STK32A: variants seen among roughly 807,000 people sequenced by gnomAD.
STK32A encodes serine/threonine kinase 32A, also known as serine/threonine-protein kinase 32A.
Under a neutral mutation model 53.2 loss-of-function variants are expected in STK32A, and 41 were observed. That is an observed-to-expected ratio of 0.77 (90% CI 0.60 to 1.00). The LOEUF is 1.00. Ranked by LOEUF, STK32A falls within the 50% of genes least tolerant of loss-of-function variation. The pLI, the probability that STK32A is intolerant of heterozygous loss-of-function variation, is 0.00. For missense variants in STK32A, 458 were observed against 485.8 expected (o/e 0.94, Z 0.54); for synonymous variants, 166 against 162.8 (o/e 1.02, Z -0.15).
intron 4 of STK32A, among the ~76,000 whole-genome samples, chr5:147,286,372 A>C (rs373068307): frequency 6.6e-6 from 1 of 152,118 alleles, no homozygotes; most frequent in African/African-American, 2.4e-5. Context: ...ATCACCACTA[A>C]AGAACTTACC....
downstream of STK32A, among the ~76,000 whole-genome samples, chr5:147,388,764 A>T (rs1006569735): frequency 6.6e-6 from 1 of 152,172 alleles, no homozygotes; most frequent in South Asian, 2.1e-4. Context: ...CAGCCACTGA[A>T]CAGCTCCACC....
chr5:147,366,905 G>A (rs1756774898), intron 8 of STK32A, among the ~76,000 whole-genome samples: 1 of 150,314 alleles, frequency 6.7e-6, no homozygotes, highest in Non-Finnish European at 1.5e-5. Flanking sequence ...AAGATAAAAT[G>A]TACAGCTTTC....
the STK32A span, chr5:147,397,817 A>G: frequency 6.2e-7 from 1 of 1,613,242 alleles, no homozygotes; most frequent in Non-Finnish European, 8.5e-7. Flanking sequence ...GCGCAGCTCC[A>G]TCCCTTCAAA....
intron 5 of STK32A, among the ~76,000 whole-genome samples, chr5:147,339,634 G>A (rs925584327): frequency 6.6e-6 from 1 of 152,374 alleles, no homozygotes. Context: ...CAGGAAGGGG[G>A]CTGCACCCTG....
the STK32A span, chr5:147,401,436 A>T: frequency 7.6e-7 from 1 of 1,321,316 alleles, no homozygotes; most frequent in Non-Finnish European, 1.0e-6. Context: ...CACACTGCAG[A>T]CTCTGGTCAA....
chr5:147,326,628 T>C (rs1581097814), intron 5 of STK32A, among the ~76,000 whole-genome samples: 1 of 152,336 alleles, frequency 6.6e-6, no homozygotes, highest in East Asian at 1.9e-4. Flanking sequence ...GCCACATGAA[T>C]GAATGATTGA....
chr5:147,356,127 G>A (rs543352637), intron 7 of STK32A, among the ~76,000 whole-genome samples: 2 of 152,172 alleles, frequency 1.3e-5, no homozygotes, highest in Non-Finnish European at 2.9e-5. Flanking sequence ...CAGGCCCAGA[G>A]AGAGAGAAAG....
rs371656649 is a variant in STK32A at position 147,343,295 on chromosome 5, T to C, written c.472+252T>C. 1.9e-4 allele frequency: 128 copies of C among 665,600 alleles called. No individual in the cohort carries two copies. In the African/African-American group the frequency reaches 2.1e-3, roughly 11 times the overall value. 41.2% of individuals were successfully genotyped at this position (665,600 alleles called of 1,614,324 possible). A position where few individuals can be genotyped will look rare whatever the true frequency, so the allele number is the denominator to read the frequency against. ...AGTCTACTCAATTTTCTTCCACTAC[T>C]ATATTTCTTCAAGAAAACCATCACA... is the stretch of plus-strand genomic sequence containing the variant. On this transcript the variant is annotated intron_variant, in intron 6 of 12. Coordinates refer to ENST00000397936, the MANE Select transcript of STK32A (RefSeq NM_001112724.2).
At chr5:147,258,904 G>C (rs138411372) in intron 2 of STK32A, among the ~76,000 whole-genome samples, 1 of 151,734 alleles carries the variant, frequency 6.6e-6, no homozygotes, top group Non-Finnish European at 1.5e-5. Flanking sequence ...ACTCAGAATT[G>C]GTATAGATGG....
At chr5:147,370,891 AT>A in intron 9 of STK32A, 121 bp downstream of exon 9, 1 of 550,276 alleles carries the variant, frequency 1.8e-6, no homozygotes, top group Non-Finnish European at 3.2e-6. Flanking sequence ...TGTAGAGTGT[AT>A]TTTCTAGCTG....
downstream of STK32A, chr5:147,391,516 T>C (rs1757802907): frequency 6.6e-6 from 1 of 152,466 alleles, no homozygotes; most frequent in South Asian, 2.1e-4. Flanking sequence ...AGGGATGAGA[T>C]GGCAAAGGAC....
At chr5:147,278,884 T>A (rs955975570) in intron 3 of STK32A, among the ~76,000 whole-genome samples, 1 of 152,162 alleles carries the variant, frequency 6.6e-6, no homozygotes, top group Non-Finnish European at 1.5e-5. Flanking sequence ...CACAGTATTA[T>A]TCAGCTTGAC....
Position 147,373,202 on chromosome 5 carries a change from C to T in STK32A, c.811C>T (p.Gln271Ter). 6.2e-7 allele frequency: 1 copy of T among 1,613,410 alleles called. No individual in the cohort carries two copies. Among genetic ancestry groups the T allele is most frequent in the Non-Finnish European group, 8.5e-7 (1 of 1,179,562 alleles). Residue 271 changes from glutamine (Q) to a stop codon, truncating the protein, a stop_gained, in exon 10 of 13, where the codon CAG becomes TAG. Coordinates refer to ENST00000397936, the MANE Select transcript of STK32A (RefSeq NM_001112724.2). LOFTEE classifies it high-confidence loss of function. Reference protein sequence around the residue: ...LEPNPDQRFSQLSDVQNFPYM... With the variant: ...LEPNPDQRFS ...ACCTAATCCAGACCAACGATTTTCTCAGTTATCTGATGTCCAGAACTTCCC... is the reference window on the plus strand; with the variant it reads ...ACCTAATCCAGACCAACGATTTTCTTAGTTATCTGATGTCCAGAACTTCCC...
At chr5:147,327,405 GA>G (rs1348795965) in intron 5 of STK32A, among the ~76,000 whole-genome samples, 1 of 152,086 alleles carries the variant, frequency 6.6e-6, no homozygotes, top group Non-Finnish European at 1.5e-5. Flanking sequence ...AAGTGAGAAT[GA>G]AAAAAAGAAT....
intron 11 of STK32A, among the ~76,000 whole-genome samples, chr5:147,380,322 G>C (rs575811742): frequency 1.2e-4 from 19 of 152,242 alleles, no homozygotes; most frequent in African/African-American, 4.6e-4. Flanking sequence ...GCAAGTAAGA[G>C]TGAAATACAG....
intron 4 of STK32A, among the ~76,000 whole-genome samples, chr5:147,318,968 A>G (rs1754156914): frequency 6.6e-6 from 1 of 152,114 alleles, no homozygotes; most frequent in East Asian, 1.9e-4. Flanking sequence ...AACGACTAAA[A>G]GTCATGACAT....
intron 11 of STK32A, chr5:147,383,223 A>G (rs1757521021): frequency 8.7e-6 from 5 of 575,494 alleles, no homozygotes; most frequent in Non-Finnish European, 1.2e-5. Flanking sequence ...AGATTCTGCC[A>G]GTGCAATCGC....
chr5:147,348,178 T>C (rs967293855), intron 6 of STK32A, among the ~76,000 whole-genome samples: 2 of 152,196 alleles, frequency 1.3e-5, no homozygotes, highest in Non-Finnish European at 1.5e-5. Context: ...ATATATAAAA[T>C]AGGGCCTACC....
At chr5:147,265,445 T>C (rs1052568326) in intron 2 of STK32A, among the ~76,000 whole-genome samples, 15 of 152,204 alleles carry the variant, frequency 9.9e-5, no homozygotes, top group Admixed American at 7.9e-4. Flanking sequence ...TGTCTATCTA[T>C]ACATTTATTC....
Sources: gnomAD v4.1 joint callset for allele counts (sites outside exome capture counted in the v4.1 genomes callset) on GRCh38, gnomAD v4.1.1 for gene constraint, MANE v1.5 for transcripts, NCBI Gene and HGNC (gene_info 2026-07-23, HGNC 2026-07-21) for gene names.